TATDN3: variants seen among roughly 807,000 people sequenced by gnomAD.
TATDN3 encodes deoxyribonuclease TATDN3.
A neutral mutation model predicts 40.1 loss-of-function variants in TATDN3; 29 were observed. That is an observed-to-expected ratio of 0.72 (90% CI 0.54 to 0.99). TATDN3 has a LOEUF of 0.99. TATDN3 is among the 50% of genes least tolerant of loss of function. TATDN3 has a pLI of 0.00. For missense variants in TATDN3, 309 were observed against 321.9 expected (o/e 0.96, Z 0.31); for synonymous variants, 105 against 117.0 (o/e 0.90, Z 0.66).
At chr1:212,799,053 T>C (rs1041282695) in intron 4 of TATDN3, among the ~76,000 whole-genome samples, 4 of 152,200 alleles carry the variant, frequency 2.6e-5, no homozygotes, top group Admixed American at 6.5e-5. Context: ...CAGGGTGTTA[T>C]GTGCAAAGGA....
chr1:212,805,403 G>A (rs1370860356), intron 7 of TATDN3, among the ~76,000 whole-genome samples: 4 of 151,498 alleles, frequency 2.6e-5, no homozygotes, highest in South Asian at 2.1e-4. Flanking sequence ...TTACAGGTGC[G>A]TGCCACCACA....
chr1:212,799,633 G>A (rs1039451190), intron 4 of TATDN3, among the ~76,000 whole-genome samples: 6 of 151,922 alleles, frequency 3.9e-5, no homozygotes, highest in African/African-American at 1.5e-4. Context: ...CGCCTCCCTG[G>A]TTCAAGTGAT....
intron 7 of TATDN3, among the ~76,000 whole-genome samples, chr1:212,807,143 A>C (rs562096496): frequency 6.6e-6 from 1 of 151,596 alleles, no homozygotes; most frequent in South Asian, 2.1e-4. Flanking sequence ...ATGGGGTTTC[A>C]CCATGCTAGT....
At chr1:212,794,982 A>G (rs1284013059) in intron 1 of TATDN3, 113 bp from the exon 2 acceptor site, 23 of 812,324 alleles carry the variant, frequency 2.8e-5, no homozygotes, top group Non-Finnish European at 4.6e-5. Context: ...CCACCACTCC[A>G]TTAGTTGCTA....
At chr1:212,806,200 T>G (rs188906171) in intron 7 of TATDN3, among the ~76,000 whole-genome samples, 15 of 152,198 alleles carry the variant, frequency 9.9e-5, no homozygotes, top group Non-Finnish European at 1.5e-4. Context: ...CTATTGAGTT[T>G]GTGTCACTTA....
chr1:212,812,686 G>A (rs1278299077), intron 9 of TATDN3, among the ~76,000 whole-genome samples: 1 of 152,042 alleles, frequency 6.6e-6, no homozygotes, highest in African/African-American at 2.4e-5. Context: ...TATAAAATAT[G>A]GGTAAAATAA....
At chr1:212,797,811 A>G (rs1368131161) in intron 4 of TATDN3, 1 of 152,282 alleles carries the variant, frequency 6.6e-6, no homozygotes, top group Non-Finnish European at 1.5e-5. Flanking sequence ...CTCTCCAGCT[A>G]TTAAATTGCA....
chr1:212,797,180 G>A lies in TATDN3; in HGVS notation c.242G>A (p.Arg81Lys). The A allele has an allele frequency of 1.9e-6, 3 of 1,613,900 alleles. No homozygotes were observed. Among genetic ancestry groups the A allele is most frequent in the Non-Finnish European group, 2.5e-6 (3 of 1,179,840 alleles). ...CAAGGACTTCCACCAGAAGACCAAA[G>A]AAGTGTCACACTAAAGGTAACAGTC... ...PVQGLPPEDQ[R>K]SVTLKDLDVA... is the part of the protein sequence containing the mutation. Residue 81 changes from arginine to lysine, a missense_variant, in exon 4 of 10, where the codon AGA becomes AAA. Coordinates refer to ENST00000366974, the MANE Select transcript of TATDN3 (RefSeq NM_001042552.3).
chr1:212,801,420 T>C (rs1423827069), intron 4 of TATDN3, among the ~76,000 whole-genome samples: 2 of 152,204 alleles, frequency 1.3e-5, no homozygotes, highest in East Asian at 3.8e-4. Flanking sequence ...TTTCTACTTA[T>C]CATTCTTGAC....
rs572204527 is a variant in TATDN3 at position 212,815,703 on chromosome 1, A to T, written c.*547A>T. ...CATGCCCAGCTAATTTTGTATTTTTAGTAGAGACAGGGTTTCTCCATGTTG... is the reference window on the plus strand; with the variant it reads ...CATGCCCAGCTAATTTTGTATTTTTTGTAGAGACAGGGTTTCTCCATGTTG... On this transcript the variant is annotated 3_prime_UTR_variant, in exon 10 of 10. Coordinates refer to ENST00000366974, the MANE Select transcript of TATDN3 (RefSeq NM_001042552.3). 3.3e-5 allele frequency: 5 copies of T among 152,294 alleles called. No individual in the cohort carries two copies. Among genetic ancestry groups the T allele is most frequent in the African/African-American group, 1.2e-4 (5 of 41,468 alleles). 9.4% of individuals were successfully genotyped at this position (152,294 alleles called of 1,614,324 possible).
At chr1:212,792,172 T>C (rs1471221107) in intron 1 of TATDN3, among the ~76,000 whole-genome samples, 185 bp downstream of exon 1, 2 of 152,220 alleles carry the variant, frequency 1.3e-5, no homozygotes, top group Admixed American at 6.5e-5. Flanking sequence ...CCGATTTTTT[T>C]TTCCTGATTC....
intron 5 of TATDN3, 22 bp from the exon 6 acceptor site, chr1:212,804,298 A>G (rs75874793): frequency 0.031 from 48,497 of 1,571,182 alleles, 902 homozygotes; most frequent in South Asian, 0.044. Flanking sequence ...AATATGTAAT[A>G]TCTTTTATTT....
intron 7 of TATDN3, among the ~76,000 whole-genome samples, chr1:212,807,529 A>G (rs1662615433): frequency 6.6e-6 from 1 of 152,164 alleles, no homozygotes; most frequent in South Asian, 2.1e-4. Context: ...CTGGGATTAC[A>G]AGTGTGAGCC....
At chr1:212,806,557 C>T (rs191636577) in intron 7 of TATDN3, among the ~76,000 whole-genome samples, 1 of 149,528 alleles carries the variant, frequency 6.7e-6, no homozygotes, top group Non-Finnish European at 1.5e-5. Flanking sequence ...GTGTATTTTT[C>T]GTAGAAACTG....
At position 212,804,600 on chromosome 1, in the gene TATDN3, G is replaced by A. The variant is rs146905281; in HGVS notation, c.436G>A (p.Val146Met). Residue 146 changes from valine (V) to methionine (M), a missense_variant, in exon 7 of 10, where the codon GTG becomes ATG. Transcript: ENST00000366974. ...LAKRLNLPVN[V>M]HSRSAGRPTI... ...AATGTTGTTATCGTTAAACAGAAAT[G>A]TGCACTCACGCTCTGCTGGAAGACC... The A allele has an allele frequency of 4.7e-4, 764 of 1,613,244 alleles. No homozygotes were observed. Among genetic ancestry groups the A allele is most frequent in the Non-Finnish European group, 6.0e-4 (709 of 1,179,698 alleles).
chr1:212,815,049 G>A lies in TATDN3; in HGVS notation c.718G>A (p.Glu240Lys). Residue 240 changes from glutamate (E) to lysine (K), a missense_variant, in exon 10 of 10, where the codon GAA (glutamate) becomes AAA (lysine). Glu to Lys is a moderately conservative substitution (Grantham distance 56). Transcript: ENST00000366974. ...NEPWNISISA[E>K]YIAQVKGISV... ...GCCCTGGAACATTTCTATTTCAGCA[G>A]AATATATTGCCCAGGTGAAAGGGAT... 6.2e-7 allele frequency: 1 copy of A among 1,614,000 alleles called. No homozygotes were observed. Among genetic ancestry groups the A allele is most frequent in the Non-Finnish European group, 8.5e-7 (1 of 1,179,974 alleles).
intron 2 of TATDN3, 56 bp from the exon 3 acceptor site, chr1:212,796,461 T>C (rs1346392853): frequency 9.8e-6 from 13 of 1,323,152 alleles, no homozygotes; most frequent in East Asian, 5.8e-5. Flanking sequence ...TAAAATTTTC[T>C]ATAATTTATA....
At chr1:212,814,434 A>G (rs1043383192) in intron 9 of TATDN3, among the ~76,000 whole-genome samples, 18 of 152,326 alleles carry the variant, frequency 1.2e-4, no homozygotes, top group African/African-American at 3.6e-4. Flanking sequence ...ACCATTGTTT[A>G]CCATTGTTTT....
chr1:212,795,088 G>C lies in TATDN3; in HGVS notation c.67-7G>C, dbSNP rs759787109. On this transcript the variant is annotated splice_polypyrimidine_tract_variant and splice_region_variant and intron_variant, in intron 1 of 9. Coordinates refer to ENST00000366974, the MANE Select transcript of TATDN3 (RefSeq NM_001042552.3). ...AAAATAATGGTGATTTCTTATGCTT[G>C]TTTTAGGATTTGGATGATGTGTTGG... 6.2e-7 allele frequency: 1 copy of C among 1,610,052 alleles called. No individual in the cohort carries two copies. Among genetic ancestry groups the C allele is most frequent in the Non-Finnish European group, 8.5e-7 (1 of 1,176,764 alleles).
Sources: allele counts gnomAD v4.1 joint callset (sites outside exome capture counted in the v4.1 genomes callset), GRCh38; gene constraint gnomAD v4.1.1; transcripts MANE v1.5; gene names NCBI Gene and HGNC (gene_info 2026-07-23, HGNC 2026-07-21).